Variants in SEPTIN9 observed in about 807,000 individuals in gnomAD.
The protein encoded by SEPTIN9 is septin 9.
In SEPTIN9, 13 loss-of-function variants were observed where a neutral mutation model predicts 56.6. The ratio of observed to expected loss-of-function variants is 0.23; its 90% CI spans 0.15 to 0.37. SEPTIN9 has a LOEUF of 0.37. SEPTIN9 is among the 10% of genes least tolerant of loss of function. The probability of loss-of-function intolerance (pLI) is 1.00; values close to 1 mark genes in which losing one functional copy is unlikely to be tolerated. For synonymous variants in SEPTIN9, 332 were observed against 334.1 expected (o/e 0.99, Z 0.07); for missense variants, 650 against 823.1 (o/e 0.79, Z 2.57).
intron 2 of SEPTIN9, among the ~76,000 whole-genome samples, chr17:77,379,055 A>G (rs568265867): frequency 5.7e-4 from 86 of 152,102 alleles, no homozygotes; most frequent in African/African-American, 1.9e-3. Context: ...TGCCCTGAAC[A>G]TTCTCATCCA....
chr17:77,292,987 A>AGTAT (rs1567977391), intron 1 of SEPTIN9, among the ~76,000 whole-genome samples: 2 of 142,134 alleles, frequency 1.4e-5, no homozygotes, highest in Non-Finnish European at 3.1e-5. Flanking sequence ...AAACCGCTTG[A>AGTAT]GCATTTATTT....
At chr17:77,426,389 C>T (rs2036913216) in intron 3 of SEPTIN9, among the ~76,000 whole-genome samples, 1 of 152,078 alleles carries the variant, frequency 6.6e-6, no homozygotes, top group African/African-American at 2.4e-5. Flanking sequence ...GCCCAGGAGC[C>T]CCGGTGAGCT....
intron 2 of SEPTIN9, among the ~76,000 whole-genome samples, chr17:77,338,141 G>C (rs919693304): frequency 5.9e-5 from 9 of 151,862 alleles, no homozygotes; most frequent in African/African-American, 1.9e-4. Flanking sequence ...AGGTTGCGGT[G>C]AGCTGAGATC....
chr17:77,413,088 G>A (rs1288282147), intron 3 of SEPTIN9, among the ~76,000 whole-genome samples: 1 of 35,532 alleles, frequency 2.8e-5, no homozygotes, highest in South Asian at 5.7e-4. Context: ...CGGGTGGGGC[G>A]TGTGTGTGTG....
chr17:77,487,353 A>AG lies in SEPTIN9; in HGVS notation c.914-67dup. On this transcript the variant is annotated intron_variant, in intron 4 of 11. Transcript: ENST00000427177. The surrounding 1 kb of genome is among the most constrained non-coding windows in gnomAD (Gnocchi z 4.3). ...CTGGAGAGCCTCGTGCCTGGGTGGG[A>AG]GGGGCCCCATGTGCAGACCCTGCTG... 3 of 1,505,352 alleles carry AG rather than the reference A, an allele frequency of 2.0e-6. No homozygotes were observed. The highest frequency in any genetic ancestry group is 2.7e-6 in the Non-Finnish European group (3 of 1,107,154). 93.2% of individuals were successfully genotyped at this position (1,505,352 alleles called of 1,614,324 possible).
intron 2 of SEPTIN9, among the ~76,000 whole-genome samples, chr17:77,397,909 G>A (rs938939920): frequency 6.6e-6 from 1 of 152,076 alleles, no homozygotes; most frequent in African/African-American, 2.4e-5. Context: ...CCTTGGGCCT[G>A]CCTTGGCCTC....
At chr17:77,493,827 C>T (rs1047665963) in intron 10 of SEPTIN9, among the ~76,000 whole-genome samples, 2 of 143,324 alleles carry the variant, frequency 1.4e-5, no homozygotes, top group African/African-American at 5.3e-5. Flanking sequence ...GGCTGGAGTG[C>T]AGTGTTGCAA....
chr17:77,307,467 G>A (rs1262750951), intron 2 of SEPTIN9, among the ~76,000 whole-genome samples: 1 of 152,232 alleles, frequency 6.6e-6, no homozygotes, highest in African/African-American at 2.4e-5. Flanking sequence ...GCGGGACAGA[G>A]GAGAGAACAG....
chr17:77,499,315 T>C lies in SEPTIN9; in HGVS notation c.*657T>C, dbSNP rs9038. 0.49 allele frequency: 294,752 copies of C among 595,912 alleles called. 79,977 individuals are homozygous for C. The highest frequency in any genetic ancestry group is 0.91 in the East Asian group (27,031 of 29,572). The allele number at this position is 595,912 out of a possible 1,614,324, so 36.9% of individuals were successfully genotyped here. A position where few individuals can be genotyped will look rare whatever the true frequency, so the allele number is the denominator to read the frequency against. On this transcript the variant is annotated 3_prime_UTR_variant, in exon 12 of 12. Coordinates refer to ENST00000427177, the MANE Select transcript of SEPTIN9 (RefSeq NM_001113491.2). ...TTATCTCAGCCATCCGCAGACTGCT[T>C]GGCCAGATGCGGGGACAGGCTGGAA...
At position 77,469,484 on chromosome 17, in the gene SEPTIN9, TGCCATGGTGCAGGCAGCAGGA is replaced by T. The variant is rs2038886859; in HGVS notation, c.722-12652_722-12632del. The T allele has an allele frequency of 2.0e-5, 3 of 152,276 alleles. No individual in the cohort carries two copies. In the South Asian group the frequency reaches 6.2e-4, roughly 32 times the overall value. The allele number at this position is 152,276 out of a possible 1,614,324, so 9.4% of individuals were successfully genotyped here. On this transcript the variant is annotated intron_variant, in intron 3 of 11. Transcript: ENST00000427177. ...AGTCCAGAGATGCATCTGAGCTTCA[TGCCATGGTGCAGGCAGCAGGA>T]GCCATGGAGCAGGCCTGCGGGGTCA... is the stretch of plus-strand genomic sequence containing the variant.
chr17:77,303,888 G>A (rs956673965), intron 1 of SEPTIN9, among the ~76,000 whole-genome samples: 3 of 152,184 alleles, frequency 2.0e-5, no homozygotes, highest in South Asian at 2.1e-4. Context: ...CGAGGTCTGC[G>A]TTCAAATTCT....
At chr17:77,481,775 A>C in intron 3 of SEPTIN9, 1 of 276,978 alleles carries the variant, frequency 3.6e-6, no homozygotes, top group South Asian at 5.3e-5. Context: ...AGCACCCTCC[A>C]CCCTTGTCTG....
intron 3 of SEPTIN9, among the ~76,000 whole-genome samples, chr17:77,479,582 C>T (rs374236679): frequency 2.4e-4 from 37 of 152,208 alleles, no homozygotes; most frequent in African/African-American, 7.5e-4. Context: ...ATTTCTCAAG[C>T]GGGGCCCCTG....
At chr17:77,377,361 T>C (rs1462537440) in intron 2 of SEPTIN9, 1 of 57,426 alleles carries the variant, frequency 1.7e-5, no homozygotes, top group African/African-American at 5.1e-5. Flanking sequence ...AGGCCAAATC[T>C]GTTATCGCAA....
chr17:77,337,797 GT>G (rs2033602103), intron 2 of SEPTIN9, among the ~76,000 whole-genome samples: 1 of 152,112 alleles, frequency 6.6e-6, no homozygotes, highest in African/African-American at 2.4e-5. Flanking sequence ...ATTTAAAGTT[GT>G]TCGTAATACA....
chr17:77,488,410 C>T lies in SEPTIN9; in HGVS notation c.1124+89C>T, dbSNP rs909120685. ...AGTCAGCCCTAGAGGTTTCCCGGCC[C>T]GCGGGGGTGCAGGGCCCACCTCCTG... On this transcript the variant is annotated intron_variant, in intron 6 of 11. Transcript: ENST00000427177. 2.2e-5 allele frequency: 27 copies of T among 1,255,616 alleles called. No homozygotes were observed. The African/African-American group carries it at 2.8e-4, about 13-fold the overall frequency. 77.8% of individuals were successfully genotyped at this position (1,255,616 alleles called of 1,614,324 possible). A position where few individuals can be genotyped will look rare whatever the true frequency, so the allele number is the denominator to read the frequency against.
rs556774140 is a variant in SEPTIN9, at chr17:77,405,257, G to A, written c.721+2554G>A. On this transcript the variant is annotated intron_variant, in intron 3 of 11. Coordinates refer to ENST00000427177, the MANE Select transcript of SEPTIN9 (RefSeq NM_001113491.2). The surrounding 1 kb of genome is among the most constrained non-coding windows in gnomAD (Gnocchi z 5.8). ...AGCCAGGCCCAGGGACACAACCTGC[G>A]GGCTCTGCTTTCTGGAGCTCACCGA... The A allele has an allele frequency of 1.4e-5, 12 of 860,192 alleles. No homozygotes were observed. The highest frequency in any genetic ancestry group is 1.0e-4 in the Admixed American group (4 of 39,592). 53.3% of individuals were successfully genotyped at this position (860,192 alleles called of 1,614,324 possible).
In SEPTIN9 at chr17:77,436,975, A is replaced by G. The variant is rs1431095568; in HGVS notation, c.721+34272A>G. ...AGGACACAGATTCACGCGATTGTGC[A>G]GATCACCTGGCCTCACTCCCTCGGT... On this transcript the variant is annotated intron_variant, in intron 3 of 11. Coordinates refer to ENST00000427177, the MANE Select transcript of SEPTIN9 (RefSeq NM_001113491.2). This position sits in a 1 kb window ranked among gnomAD's most constrained non-coding sequence, Gnocchi z 4.4. 6.6e-6 allele frequency among the ~76,000 whole-genome samples: 1 copy of G among 152,240 alleles called. No individual in the cohort carries two copies. Among genetic ancestry groups the G allele is most frequent in the Non-Finnish European group, 1.5e-5 (1 of 68,034 alleles).
At chr17:77,398,209 A>C (rs1051701136) in intron 2 of SEPTIN9, among the ~76,000 whole-genome samples, 1 of 150,302 alleles carries the variant, frequency 6.7e-6, no homozygotes, top group Non-Finnish European at 1.5e-5. Flanking sequence ...TCCTGGGCTC[A>C]AGCGATCTGT....
Sources: gnomAD v4.1 joint callset for allele counts (sites outside exome capture counted in the v4.1 genomes callset) on GRCh38, gnomAD v4.1.1 for gene constraint, Gnocchi (gnomAD v3.1) non-coding constraint, MANE v1.5 for transcripts, NCBI Gene and HGNC (gene_info 2026-07-23, HGNC 2026-07-21) for gene names.